RCOR1: variants seen among roughly 807,000 people sequenced by gnomAD.
RCOR1 encodes REST corepressor 1.
Under a neutral mutation model 64.0 loss-of-function variants are expected in RCOR1, and 12 were observed. The ratio of observed to expected loss-of-function variants is 0.19; its 90% CI spans 0.12 to 0.30. The LOEUF (loss-of-function observed/expected upper bound fraction) is 0.30, where lower values mean the gene tolerates loss of function less well. RCOR1 is among the 10% of genes least tolerant of loss of function. The pLI, the probability that RCOR1 is intolerant of heterozygous loss-of-function variation, is 1.00. For synonymous variants in RCOR1, 279 were observed against 227.2 expected, an observed-to-expected ratio of 1.23 and a Z score of -2.05; for missense variants, 502 against 621.2, an observed-to-expected ratio of 0.81 and a Z score of 2.04.
chr14:102,700,281 G>T (rs908320188), intron 3 of RCOR1, among the ~76,000 whole-genome samples: 23 of 152,228 alleles, frequency 1.5e-4, no homozygotes, highest in Admixed American at 1.2e-3. Context: ...GAGTGCAGTG[G>T]TGCAATCTTG....
chr14:102,623,007 C>G (rs1018773798), intron 2 of RCOR1, among the ~76,000 whole-genome samples: 2 of 152,058 alleles, frequency 1.3e-5, no homozygotes, highest in Non-Finnish European at 2.9e-5. Context: ...TCTTTTTGTT[C>G]GTGTTTGAAT....
chr14:102,670,216 G>A (rs2139947769), intron 2 of RCOR1, among the ~76,000 whole-genome samples: 1 of 152,318 alleles, frequency 6.6e-6, no homozygotes, highest in African/African-American at 2.4e-5. Flanking sequence ...CTCTCCCAAA[G>A]TGCTGGGGTT....
At position 102,616,206 on chromosome 14, in the gene RCOR1, ATGTGTGTGTGTGTGTGTGTG is replaced by A. The variant is rs56991991; in HGVS notation, c.361+22905_361+22924del. Among the ~76,000 whole-genome samples the A allele has an allele frequency of 4.2e-3, 624 of 149,264 alleles. 3 individuals carry two copies. Among genetic ancestry groups the A allele is most frequent in the African/African-American group, 0.012 (500 of 40,356 alleles). Reference sequence around the variant, plus strand: ...TTTATTACAAAAGATACATGTGTATATGTGTGTGTGTGTGTGTGTGTGTGTGTGTGTGTGTGTGTGTGTAT... The same window carrying A: ...TTTATTACAAAAGATACATGTGTATATGTGTGTGTGTGTGTGTGTGTGTAT... On this transcript the variant is annotated intron_variant, in intron 2 of 11. Coordinates refer to ENST00000262241, the MANE Select transcript of RCOR1 (RefSeq NM_015156.4).
chr14:102,721,803 C>T (rs1397875508), intron 10 of RCOR1, among the ~76,000 whole-genome samples: 7 of 152,086 alleles, frequency 4.6e-5, no homozygotes, highest in Non-Finnish European at 7.4e-5. Flanking sequence ...TTACTAGTTA[C>T]TCATCGAGCT....
intron 2 of RCOR1, among the ~76,000 whole-genome samples, chr14:102,644,875 T>G (rs1894448315): frequency 6.6e-6 from 1 of 152,196 alleles, no homozygotes; most frequent in Admixed American, 6.5e-5. Flanking sequence ...TGTTTCAGGC[T>G]CTGGTTTCTG....
intron 2 of RCOR1, among the ~76,000 whole-genome samples, chr14:102,594,681 G>A (rs1229789128): frequency 6.8e-6 from 1 of 146,938 alleles, no homozygotes; most frequent in African/African-American, 2.5e-5. Context: ...TTTTTTGGTA[G>A]TCACTTCTCG....
chr14:102,638,533 ATGGGGTTT>A (rs1332801445), intron 2 of RCOR1, among the ~76,000 whole-genome samples: 2 of 151,930 alleles, frequency 1.3e-5, no homozygotes, highest in Admixed American at 1.3e-4. Context: ...TTCAGTAGAG[ATGGGGTTT>A]TGCCATGTTG....
intron 2 of RCOR1, among the ~76,000 whole-genome samples, chr14:102,648,264 A>C (rs1396164769): frequency 6.6e-6 from 1 of 152,124 alleles, no homozygotes; most frequent in African/African-American, 2.4e-5. Context: ...TTTTTAGTAG[A>C]GACGGGGTTT....
chr14:102,654,386 G>C (rs1265516986), intron 2 of RCOR1, among the ~76,000 whole-genome samples: 3 of 152,124 alleles, frequency 2.0e-5, no homozygotes, highest in Admixed American at 6.6e-5. Flanking sequence ...AAAATGAAGA[G>C]TAGGTAAAAG....
At position 102,592,776 on chromosome 14, in the gene RCOR1, C is replaced by A; in HGVS notation, c.-111C>A. 8.3e-7 allele frequency: 1 copy of A among 1,198,820 alleles called. No homozygotes were observed. The allele number at this position is 1,198,820 out of a possible 1,614,324, so 74.3% of individuals were successfully genotyped here. A position where few individuals can be genotyped will look rare whatever the true frequency, so the allele number is the denominator to read the frequency against. ...ACTCGGACTCGCGCCCGTGGGCTCCCGCCGCGCCCGCCCGGCCCCGCGCCG... is the reference window on the plus strand; with the variant it reads ...ACTCGGACTCGCGCCCGTGGGCTCCAGCCGCGCCCGCCCGGCCCCGCGCCG... On this transcript the variant is annotated 5_prime_UTR_variant, in exon 1 of 12. Coordinates refer to ENST00000262241, the MANE Select transcript of RCOR1 (RefSeq NM_015156.4).
intron 2 of RCOR1, among the ~76,000 whole-genome samples, chr14:102,627,462 G>C (rs1261060784): frequency 6.6e-6 from 1 of 152,178 alleles, no homozygotes; most frequent in Non-Finnish European, 1.5e-5. Context: ...ATTGAGACCA[G>C]CCTGGCCAAT....
chr14:102,721,404 T>A (rs368473845), intron 10 of RCOR1, 27 bp downstream of exon 10: 2 of 1,586,432 alleles, frequency 1.3e-6, no homozygotes, highest in East Asian at 2.2e-5. Context: ...CTAAAGAGTT[T>A]AGGAGGCCGG....
At chr14:102,697,093 A>G (rs1476435529) in intron 3 of RCOR1, among the ~76,000 whole-genome samples, 1 of 152,202 alleles carries the variant, frequency 6.6e-6, no homozygotes, top group Non-Finnish European at 1.5e-5. Flanking sequence ...TAGAGCAGGA[A>G]TACAGTAAGA....
At chr14:102,627,606 G>A (rs1894006413) in intron 2 of RCOR1, among the ~76,000 whole-genome samples, 4 of 151,556 alleles carry the variant, frequency 2.6e-5, no homozygotes, top group African/African-American at 9.7e-5. Flanking sequence ...GCAGTGAGCT[G>A]AGATTGTGCC....
chr14:102,638,142 G>C (rs1241069983), intron 2 of RCOR1, among the ~76,000 whole-genome samples: 1 of 152,136 alleles, frequency 6.6e-6, no homozygotes, highest in Non-Finnish European at 1.5e-5. Flanking sequence ...AGAAACCTGT[G>C]TACAGATTTT....
rs535202035 is a variant in RCOR1 at position 102,726,675 on chromosome 14, G to A, written c.*169G>A. 42 of 597,358 alleles carry A rather than the reference G, an allele frequency of 7.0e-5. No homozygotes were observed. The highest frequency in any genetic ancestry group is 5.0e-4 in the African/African-American group (26 of 52,066). 37.0% of individuals were successfully genotyped at this position (597,358 alleles called of 1,614,324 possible). ...CTCCATCTGCCTTAATTCTTTGCTC[G>A]TTCCTCCATGTTGGCGCCACTTCCC... is the stretch of plus-strand genomic sequence containing the variant. On this transcript the variant is annotated 3_prime_UTR_variant, in exon 12 of 12. Transcript: ENST00000262241.
At chr14:102,692,504 C>T (rs767063678) in intron 3 of RCOR1, among the ~76,000 whole-genome samples, 13 of 151,648 alleles carry the variant, frequency 8.6e-5, no homozygotes, top group Non-Finnish European at 1.8e-4. Flanking sequence ...TAGCCTCTAA[C>T]TTACCCCACC....
intron 2 of RCOR1, among the ~76,000 whole-genome samples, chr14:102,640,499 T>C (rs1051508815): frequency 1.3e-5 from 2 of 152,248 alleles, no homozygotes; most frequent in African/African-American, 2.4e-5. Flanking sequence ...GAAAACCTCA[T>C]GGAGATCGAG....
intron 6 of RCOR1, 118 bp from the exon 7 acceptor site, chr14:102,710,817 C>A: frequency 1.5e-6 from 1 of 681,394 alleles, no homozygotes; most frequent in South Asian, 1.8e-5. Flanking sequence ...TATATTAAAT[C>A]AGTTTATTAT....
Sources: gnomAD v4.1 joint callset for allele counts (sites outside exome capture counted in the v4.1 genomes callset) on GRCh38, gnomAD v4.1.1 for gene constraint, MANE v1.5 for transcripts, NCBI Gene and HGNC (gene_info 2026-07-23, HGNC 2026-07-21) for gene names.